Variants in SMYD3 observed in about 807,000 individuals in gnomAD.
SMYD3 encodes the protein histone-lysine N-methyltransferase SMYD3.
In SMYD3, 36 loss-of-function variants were observed where a neutral mutation model predicts 57.7. The ratio of observed to expected loss-of-function variants is 0.62; its 90% CI spans 0.48 to 0.82. SMYD3 has a LOEUF of 0.82. Ranked by LOEUF, SMYD3 falls within the 40% of genes least tolerant of loss-of-function variation. SMYD3 has a pLI of 0.00. For synonymous variants in SMYD3, 211 were observed against 195.0 expected (o/e 1.08, Z -0.68); for missense variants, 515 against 538.8 (o/e 0.96, Z 0.44).
chr1:246,072,039 CCGCTGTGCT>C (rs2148385675), intron 5 of SMYD3, among the ~76,000 whole-genome samples: 7 of 38,180 alleles, frequency 1.8e-4, no homozygotes, highest in South Asian at 1.9e-3. Flanking sequence ...CGTGTGCTTT[CCGCTGTGCT>C]CACTGTGGAT....
intron 9 of SMYD3, 31 bp downstream of exon 9, chr1:245,863,768 A>G (rs1387284214): frequency 1.9e-6 from 3 of 1,594,136 alleles, no homozygotes; most frequent in East Asian, 2.2e-5. Context: ...CAATCCCAAC[A>G]GTCCACCTCA....
chr1:245,972,634 C>G (rs2058329163), intron 5 of SMYD3, among the ~76,000 whole-genome samples: 1 of 152,232 alleles, frequency 6.6e-6, no homozygotes, highest in African/African-American at 2.4e-5. Flanking sequence ...TGGAATCAGG[C>G]ACAGCTACGT....
At position 246,355,110 on chromosome 1, in the gene SMYD3, T is replaced by C. The variant is rs753227100; in HGVS notation, c.165-16A>G. On this transcript the variant is annotated splice_polypyrimidine_tract_variant and intron_variant, in intron 1 of 11. Coordinates refer to ENST00000490107, the MANE Select transcript of SMYD3 (RefSeq NM_001167740.2). The surrounding 1 kb of genome is among the most constrained non-coding windows in gnomAD (Gnocchi z 5.0). ...CTTTTCCTTCCTGTGGGGAAAAAAATTAATTCTGCATTAAGAAATGAGTGG... is the reference window on the plus strand; with the variant it reads ...CTTTTCCTTCCTGTGGGGAAAAAAACTAATTCTGCATTAAGAAATGAGTGG... 26 of 1,613,310 alleles carry C rather than the reference T, an allele frequency of 1.6e-5. No homozygotes were observed. The highest frequency in any genetic ancestry group is 2.2e-5 in the Non-Finnish European group (26 of 1,179,460).
intron 5 of SMYD3, chr1:246,111,553 G>T (rs1275447004): frequency 6.6e-6 from 1 of 152,166 alleles, no homozygotes; most frequent in Non-Finnish European, 1.5e-5. Context: ...CTCTTTATAA[G>T]CCCTCTGGCC....
Position 245,915,571 on chromosome 1 carries a change from A to C in SMYD3, c.772T>G (p.Cys258Gly), listed in dbSNP as rs764309201. The change falls in exon 8 of 12, where the codon TGC (cysteine) becomes GGC (glycine). Residue 258 changes from cysteine (C) to glycine (G), a missense_variant. Cys to Gly is a radical substitution (Grantham distance 159). Transcript: ENST00000490107. Reference sequence around the variant, plus strand: ...CAACGGAAACAGTCACATTCAAAGCAGTACTGGTCCCTCAGCTGCTTCCGG... The same window carrying C: ...CAACGGAAACAGTCACATTCAAAGCCGTACTGGTCCCTCAGCTGCTTCCGG... ...ERRKQLRDQY[C>G]FECDCFRCQT... 1.9e-6 allele frequency: 3 copies of C among 1,614,040 alleles called. No homozygotes were observed. The highest frequency in any genetic ancestry group is 2.2e-5 in the South Asian group (2 of 91,044).
rs567070519 is a variant in SMYD3, at chr1:245,920,040, A to G, written c.703-4400T>C. On this transcript the variant is annotated intron_variant, in intron 7 of 11. Coordinates refer to ENST00000490107, the MANE Select transcript of SMYD3 (RefSeq NM_001167740.2). Reference sequence around the variant, plus strand: ...TAAGATGAGCAAGTTAAGGCCGGCCACGGTGGCTCACGCCTGTAATCCCAG... The same window carrying G: ...TAAGATGAGCAAGTTAAGGCCGGCCGCGGTGGCTCACGCCTGTAATCCCAG... Among the ~76,000 whole-genome samples, 227 of 152,276 alleles carry G rather than the reference A, an allele frequency of 1.5e-3. 3 individuals are homozygous for G. The South Asian group carries it at 0.017, about 11-fold the overall frequency.
rs200573424 is a variant in SMYD3, at chr1:246,348,060, T to TTATATATATATA, written c.228+6959_228+6970dup. On this transcript the variant is annotated intron_variant, in intron 2 of 11. Transcript: ENST00000490107. ...ATTGGTGGACTGAATAAAGAAAACG[T>TTATATATATATA]TATATATATATATATATACACACAC... Among the ~76,000 whole-genome samples the TTATATATATATA allele has an allele frequency of 4.9e-4, 41 of 82,968 alleles. 4 individuals carry two copies. The highest frequency in any genetic ancestry group is 1.5e-3 in the African/African-American group (36 of 23,646). 54.4% of individuals were successfully genotyped at this position (82,968 alleles called of 152,430 possible).
chr1:245,761,089 G>T (rs2045824562), intron 11 of SMYD3, among the ~76,000 whole-genome samples: 1 of 152,138 alleles, frequency 6.6e-6, no homozygotes, highest in Admixed American at 6.5e-5. Flanking sequence ...TTTGCTCCTT[G>T]GTTGATCATC....
At chr1:246,506,991 C>CCCCCCCA in intron 1 of SMYD3, 63 bp downstream of exon 1, 1 of 815,390 alleles carries the variant, frequency 1.2e-6, no homozygotes, top group African/African-American at 2.8e-5. Flanking sequence ...CGCCCGACGC[C>CCCCCCCA]CCCCCCTCCC....
intron 10 of SMYD3, among the ~76,000 whole-genome samples, chr1:245,838,969 G>A (rs540442036): frequency 6.6e-6 from 1 of 152,216 alleles, no homozygotes; most frequent in East Asian, 1.9e-4. Context: ...TGGAAGTGAG[G>A]CAGATCACAG....
intron 1 of SMYD3, among the ~76,000 whole-genome samples, chr1:246,489,667 C>CAG (rs937101986): frequency 9.3e-5 from 14 of 151,062 alleles, no homozygotes; most frequent in Non-Finnish European, 1.2e-4. Flanking sequence ...TTGTGTCATT[C>CAG]AGAGAGAGAG....
chr1:246,157,737 G>A (rs190029255), intron 5 of SMYD3, among the ~76,000 whole-genome samples: 1 of 152,154 alleles, frequency 6.6e-6, no homozygotes, highest in Admixed American at 6.5e-5. Context: ...GCATGGGTGT[G>A]TCAATCCCTA....
chr1:246,409,256 T>A (rs1005877362), intron 1 of SMYD3, among the ~76,000 whole-genome samples: 1 of 152,240 alleles, frequency 6.6e-6, no homozygotes, highest in African/African-American at 2.4e-5. Context: ...TGCCCATGCC[T>A]ATGTCCTGAA....
chr1:245,991,077 A>G (rs1377347079), intron 5 of SMYD3, among the ~76,000 whole-genome samples: 2 of 152,244 alleles, frequency 1.3e-5, no homozygotes, highest in African/African-American at 4.8e-5. Flanking sequence ...TCAGTATCAA[A>G]CATTCCTCTT....
At chr1:246,020,256 C>A (rs1465744939) in intron 5 of SMYD3, among the ~76,000 whole-genome samples, 1 of 152,196 alleles carries the variant, frequency 6.6e-6, no homozygotes, top group East Asian at 1.9e-4. Flanking sequence ...TTCTTCAGCA[C>A]AATACCTTTT....
intron 5 of SMYD3, among the ~76,000 whole-genome samples, chr1:246,210,717 C>T (rs1183755117): frequency 6.6e-6 from 1 of 150,742 alleles, no homozygotes; most frequent in South Asian, 2.1e-4. Flanking sequence ...AAAAAAAAAA[C>T]AAAAACAAAA....
At chr1:245,951,218 C>G (rs1427527176) in intron 5 of SMYD3, among the ~76,000 whole-genome samples, 1 of 151,994 alleles carries the variant, frequency 6.6e-6, no homozygotes, top group African/African-American at 2.4e-5. Context: ...AGCCTGTTAC[C>G]TTCCTTGGTT....
At chr1:246,123,669 CT>C (rs2061460772) in intron 5 of SMYD3, among the ~76,000 whole-genome samples, 1 of 151,638 alleles carries the variant, frequency 6.6e-6, no homozygotes, top group Non-Finnish European at 1.5e-5. Context: ...TGGGTTCCAT[CT>C]TTTTATTTTT....
intron 8 of SMYD3, among the ~76,000 whole-genome samples, chr1:245,877,913 G>A (rs780508280): frequency 1.3e-5 from 2 of 152,196 alleles, no homozygotes; most frequent in Non-Finnish European, 2.9e-5. Flanking sequence ...GGAATCTGAA[G>A]ATATGCGACA....
Sources: gnomAD v4.1 joint callset for allele counts (sites outside exome capture counted in the v4.1 genomes callset) on GRCh38, gnomAD v4.1.1 for gene constraint, Gnocchi (gnomAD v3.1) non-coding constraint, MANE v1.5 for transcripts, NCBI Gene and HGNC (gene_info 2026-07-23, HGNC 2026-07-21) for gene names.